GMDS: variants seen among roughly 807,000 people sequenced by gnomAD.
GMDS encodes the protein GDP-mannose 4,6 dehydratase.
GMDS carries 20 observed loss-of-function variants against 49.9 expected under a neutral mutation model. The observed-to-expected ratio is 0.40, with a 90% CI of 0.28 to 0.58. The LOEUF is 0.58. Ranked by LOEUF, GMDS falls within the 20% of genes least tolerant of loss-of-function variation. The pLI is 0.42. For missense variants in GMDS, 362 were observed against 481.4 expected, an observed-to-expected ratio of 0.75 and a Z score of 2.32; for synonymous variants, 177 against 178.6, an observed-to-expected ratio of 0.99 and a Z score of 0.07.
intron 1 of GMDS, among the ~76,000 whole-genome samples, chr6:2,127,041 A>T (rs867531614): frequency 6.6e-6 from 1 of 152,198 alleles, no homozygotes; most frequent in South Asian, 2.1e-4. Context: ...TCCCATTCTT[A>T]CAATTCTTAC....
At chr6:1,785,414 G>A (rs1209374699) in intron 7 of GMDS, among the ~76,000 whole-genome samples, 6 of 152,286 alleles carry the variant, frequency 3.9e-5, no homozygotes, top group East Asian at 1.9e-4. Context: ...CTTTGGGCCC[G>A]CAATTTGGAC....
intron 4 of GMDS, among the ~76,000 whole-genome samples, chr6:2,057,166 T>C (rs535673382): frequency 5.3e-5 from 8 of 152,314 alleles, no homozygotes; most frequent in Admixed American, 2.0e-4. Flanking sequence ...CCTTACTTCC[T>C]AAGGACATCA....
At chr6:2,077,680 T>G (rs1772425048) in intron 4 of GMDS, among the ~76,000 whole-genome samples, 1 of 152,164 alleles carries the variant, frequency 6.6e-6, no homozygotes, top group African/African-American at 2.4e-5. Context: ...AGGAATCAGT[T>G]TGCCAGTATT....
chr6:1,644,751 C>T (rs967513019), intron 9 of GMDS, among the ~76,000 whole-genome samples: 16 of 152,098 alleles, frequency 1.1e-4, no homozygotes, highest in African/African-American at 3.1e-4. Context: ...CCCCCACTGC[C>T]GTTTCTTGCA....
intron 4 of GMDS, among the ~76,000 whole-genome samples, chr6:1,979,898 T>A (rs1425216560): frequency 5.3e-5 from 8 of 152,190 alleles, no homozygotes; most frequent in Admixed American, 2.6e-4. Context: ...TATTCAACAT[T>A]CTTAAAGAAA....
intron 9 of GMDS, among the ~76,000 whole-genome samples, chr6:1,721,214 G>A (rs992522800): frequency 7.2e-5 from 11 of 152,132 alleles, no homozygotes; most frequent in Admixed American, 3.9e-4. Flanking sequence ...AACTCGACAA[G>A]CATATGGTAA....
At chr6:1,637,433 C>A (rs1246882560) in intron 9 of GMDS, among the ~76,000 whole-genome samples, 1 of 152,238 alleles carries the variant, frequency 6.6e-6, no homozygotes, top group Non-Finnish European at 1.5e-5. Context: ...TCAAACTCTC[C>A]CCCGTGAAGG....
At chr6:1,624,565 A>G in intron 9 of GMDS, 25 bp from the exon 10 acceptor site, 1 of 1,566,128 alleles carries the variant, frequency 6.4e-7, no homozygotes, top group Non-Finnish European at 8.8e-7. Context: ...GGGGAGACGA[A>G]GCAGGCGTGG....
chr6:1,859,716 A>G (rs1758097255), intron 7 of GMDS, among the ~76,000 whole-genome samples: 2 of 152,148 alleles, frequency 1.3e-5, no homozygotes, highest in African/African-American at 2.4e-5. Flanking sequence ...CACTGAGTGA[A>G]TGACTGAGGG....
chr6:2,069,664 G>A (rs372173119), intron 4 of GMDS, among the ~76,000 whole-genome samples: 2 of 152,066 alleles, frequency 1.3e-5, no homozygotes, highest in Non-Finnish European at 2.9e-5. Context: ...AACACATGAA[G>A]AAATGCTCAC....
chr6:1,820,756 T>C lies in GMDS; in HGVS notation c.772-78170A>G, dbSNP rs376733691. Reference sequence around the variant, plus strand: ...ATTTCCAAAATTCTAATAAGCACTATAGTTTACATAGTGCTTTATAACTGC... The same window carrying C: ...ATTTCCAAAATTCTAATAAGCACTACAGTTTACATAGTGCTTTATAACTGC... On this transcript the variant is annotated intron_variant, in intron 7 of 10. Coordinates refer to ENST00000380815, the MANE Select transcript of GMDS (RefSeq NM_001500.4). Among the ~76,000 whole-genome samples, 7 of 152,336 alleles carry C rather than the reference T, an allele frequency of 4.6e-5. No homozygotes were observed. The East Asian group carries it at 1.2e-3, about 25-fold the overall frequency.
At chr6:2,227,496 C>A (rs1294108860) in intron 1 of GMDS, among the ~76,000 whole-genome samples, 1 of 152,074 alleles carries the variant, frequency 6.6e-6, no homozygotes, top group Admixed American at 6.5e-5. Flanking sequence ...AGAACATCAA[C>A]AAAAAAGCAA....
At chr6:2,161,197 G>C (rs1777381385) in intron 1 of GMDS, among the ~76,000 whole-genome samples, 1 of 151,894 alleles carries the variant, frequency 6.6e-6, no homozygotes. Context: ...TTTTAGTAGA[G>C]ACGGGATTTC....
At chr6:2,105,219 A>C (rs1172849891) in intron 4 of GMDS, among the ~76,000 whole-genome samples, 1 of 151,510 alleles carries the variant, frequency 6.6e-6, no homozygotes, top group African/African-American at 2.4e-5. Flanking sequence ...TGATCACTAA[A>C]CCAAAACACT....
At chr6:2,238,440 C>T (rs1781471366) in intron 1 of GMDS, among the ~76,000 whole-genome samples, 1 of 152,110 alleles carries the variant, frequency 6.6e-6, no homozygotes, top group Non-Finnish European at 1.5e-5. Flanking sequence ...CATACTATTA[C>T]CATCCAACCT....
chr6:2,141,865 GCTCTCTCT>G (rs67628075), intron 1 of GMDS, among the ~76,000 whole-genome samples: 1 of 145,590 alleles, frequency 6.9e-6, no homozygotes, highest in African/African-American at 2.6e-5. Flanking sequence ...GGTTGTGCGT[GCTCTCTCT>G]CTCTCTCTCT....
intron 2 of GMDS, among the ~76,000 whole-genome samples, chr6:2,118,384 C>A (rs754866714): frequency 1.9e-4 from 29 of 152,188 alleles, no homozygotes; most frequent in South Asian, 4.1e-4. Context: ...AGTTCCAGTT[C>A]TACTGGTGGC....
intron 7 of GMDS, among the ~76,000 whole-genome samples, chr6:1,796,333 C>CA (rs1300013110): frequency 2.0e-5 from 3 of 152,130 alleles, no homozygotes; most frequent in Non-Finnish European, 4.4e-5. Flanking sequence ...GATAGATCTT[C>CA]AAAAAATAGG....
At chr6:2,118,000 C>G (rs1437717677) in intron 2 of GMDS, among the ~76,000 whole-genome samples, 1 of 152,218 alleles carries the variant, frequency 6.6e-6, no homozygotes, top group Non-Finnish European at 1.5e-5. Context: ...CACTTTGCAT[C>G]TACTGTATGT....
Sources: gnomAD v4.1 joint callset for allele counts (sites outside exome capture counted in the v4.1 genomes callset) on GRCh38, gnomAD v4.1.1 for gene constraint, MANE v1.5 for transcripts, NCBI Gene and HGNC (gene_info 2026-07-23, HGNC 2026-07-21) for gene names.